Variants in ZNRF3 observed in about 807,000 individuals in gnomAD.
The protein encoded by ZNRF3 is E3 ubiquitin-protein ligase ZNRF3.
ZNRF3 carries 23 observed loss-of-function variants against 72.5 expected under a neutral mutation model. The ratio of observed to expected loss-of-function variants is 0.32; its 90% CI spans 0.23 to 0.45. The LOEUF (loss-of-function observed/expected upper bound fraction) is 0.45. Among genes scored for constraint, ZNRF3 ranks in the 20% least tolerant of loss-of-function variants. The pLI, the probability that ZNRF3 is intolerant of heterozygous loss-of-function variation, is 1.00. For missense variants in ZNRF3, 1,169 were observed against 1,272.1 expected (o/e 0.92, Z 1.23); for synonymous variants, 610 against 545.3 (o/e 1.12, Z -1.65).
At chr22:28,886,109 CTT>C (rs921721652) in intron 1 of ZNRF3, among the ~76,000 whole-genome samples, 18 of 152,260 alleles carry the variant, frequency 1.2e-4, no homozygotes, top group Admixed American at 2.6e-4. Flanking sequence ...TCTTTAGTAA[CTT>C]TATTGTGGTA....
intron 1 of ZNRF3, among the ~76,000 whole-genome samples, chr22:28,912,433 C>T (rs912250504): frequency 6.6e-6 from 1 of 152,048 alleles, no homozygotes; most frequent in African/African-American, 2.4e-5. Context: ...TATCTTTTAG[C>T]TATGCTGGAT....
Position 28,991,175 on chromosome 22 carries a change from G to A in ZNRF3, c.426+3974G>A, listed in dbSNP as rs11912160. On this transcript the variant is annotated intron_variant, in intron 2 of 8. Coordinates refer to ENST00000544604, the MANE Select transcript of ZNRF3 (RefSeq NM_001206998.2). ...TGCATGCCTGTGGTTTCAGCTACTC[G>A]GGAGGCTGAGGTGGGAGGATTGCTT... 1.1e-3 allele frequency among the ~76,000 whole-genome samples: 165 copies of A among 149,072 alleles called. 2 individuals carry two copies. Among genetic ancestry groups the A allele is most frequent in the African/African-American group, 3.8e-3 (155 of 40,580 alleles).
chr22:29,055,086 C>G lies in ZNRF3; in HGVS notation c.*1464C>G, dbSNP rs181187217. 35 of 152,754 alleles carry G rather than the reference C, an allele frequency of 2.3e-4. No individual in the cohort carries two copies. Among genetic ancestry groups the G allele is most frequent in the African/African-American group, 8.2e-4 (34 of 41,522 alleles). The allele number at this position is 152,754 out of a possible 1,614,324, so 9.5% of individuals were successfully genotyped here. A position where few individuals can be genotyped will look rare whatever the true frequency, so the allele number is the denominator to read the frequency against. Reference sequence around the variant, plus strand: ...GAAGGGGAGAGTTTAAAAACCCAAACCGTTGTGGTTTTAAGGTGTTTCATT... The same window carrying G: ...GAAGGGGAGAGTTTAAAAACCCAAAGCGTTGTGGTTTTAAGGTGTTTCATT... On this transcript the variant is annotated 3_prime_UTR_variant, in exon 9 of 9. Coordinates refer to ENST00000544604, the MANE Select transcript of ZNRF3 (RefSeq NM_001206998.2).
intron 1 of ZNRF3, among the ~76,000 whole-genome samples, chr22:28,981,632 A>G (rs1363471182): frequency 6.6e-6 from 1 of 152,208 alleles, no homozygotes; most frequent in Non-Finnish European, 1.5e-5. Context: ...CAAAGATTGA[A>G]TCTCTTGTGG....
intron 2 of ZNRF3, among the ~76,000 whole-genome samples, chr22:29,033,350 C>CAA (rs60310622): frequency 0.017 from 1,097 of 65,744 alleles, 28 homozygotes; most frequent in East Asian, 0.058. Context: ...GACTCCATCT[C>CAA]AAAAAAAAAA....
At chr22:29,028,451 G>A (rs2036685486) in intron 2 of ZNRF3, among the ~76,000 whole-genome samples, 2 of 152,128 alleles carry the variant, frequency 1.3e-5, no homozygotes, top group South Asian at 4.1e-4. Context: ...AGAGCTATCT[G>A]GAATTTCCTT....
chr22:28,895,505 A>C (rs2033975048), intron 1 of ZNRF3, among the ~76,000 whole-genome samples: 1 of 152,146 alleles, frequency 6.6e-6, no homozygotes, highest in South Asian at 2.1e-4. Flanking sequence ...GTCTCTACTA[A>C]AAATACAAAA....
intron 1 of ZNRF3, among the ~76,000 whole-genome samples, chr22:28,901,859 G>A (rs1384185130): frequency 1.3e-5 from 2 of 151,278 alleles, no homozygotes; most frequent in African/African-American, 4.9e-5. Flanking sequence ...CCAGGCTAGT[G>A]GCTAGGCGTT....
rs113537550 is a variant in ZNRF3 at position 28,959,841 on chromosome 22, A to G, written c.301-27235A>G. ...TTCTCCCCTTGTATGCACAAAGAAC[A>G]GGTCATGTGAGCATGCAGGGAAATG... On this transcript the variant is annotated intron_variant, in intron 1 of 8. Coordinates refer to ENST00000544604, the MANE Select transcript of ZNRF3 (RefSeq NM_001206998.2). Among the ~76,000 whole-genome samples, 37 of 152,338 alleles carry G rather than the reference A, an allele frequency of 2.4e-4. 1 individual carries two copies. Among genetic ancestry groups the G allele is most frequent in the Admixed American group, 1.2e-3 (18 of 15,304 alleles).
intron 1 of ZNRF3, among the ~76,000 whole-genome samples, chr22:28,946,331 T>C (rs1160837980): frequency 1.3e-5 from 2 of 151,954 alleles, no homozygotes; most frequent in Non-Finnish European, 2.9e-5. Flanking sequence ...TGTGGGTTTG[T>C]GCTTTTTAAA....
chr22:29,011,585 A>G (rs1008475485), intron 2 of ZNRF3, among the ~76,000 whole-genome samples: 1 of 152,254 alleles, frequency 6.6e-6, no homozygotes, highest in Admixed American at 6.5e-5. Context: ...CTGTGCTTTT[A>G]TCTTTAGGTT....
chr22:28,929,301 G>A (rs765774496), intron 1 of ZNRF3, among the ~76,000 whole-genome samples: 16 of 152,192 alleles, frequency 1.1e-4, no homozygotes, highest in Admixed American at 2.6e-4. Flanking sequence ...TATTGTAGAC[G>A]TGGTTTCTCC....
chr22:28,989,126 A>G (rs1026475106), intron 2 of ZNRF3, among the ~76,000 whole-genome samples: 2 of 152,214 alleles, frequency 1.3e-5, no homozygotes, highest in Non-Finnish European at 1.5e-5. Context: ...GCAGGGGCCC[A>G]GAAGCTGAGC....
rs1482097955 is a variant in ZNRF3, at chr22:28,883,781, G to T, written c.15G>T (p.Ser5=). MRPR[S]GGRPGATGRR... is the part of the protein sequence containing the mutation. ...GCCGCAGGACCATGAGGCCGCGCTCGGGCGGGCGCCCAGGGGCCACGGGCC... is the reference window on the plus strand; with the variant it reads ...GCCGCAGGACCATGAGGCCGCGCTCTGGCGGGCGCCCAGGGGCCACGGGCC... Residue 5 remains serine, a synonymous_variant, in exon 1 of 9, where the codon TCG becomes TCT. Transcript: ENST00000544604. The surrounding 1 kb of genome is among the most constrained non-coding windows in gnomAD (Gnocchi z 5.5). 6.9e-5 allele frequency: 68 copies of T among 978,802 alleles called. No individual in the cohort carries two copies. The highest frequency in any genetic ancestry group is 7.9e-5 in the Non-Finnish European group (65 of 827,522). The allele number at this position is 978,802 out of a possible 1,614,324, so 60.6% of individuals were successfully genotyped here.
chr22:29,047,890 G>A (rs1046695759), intron 6 of ZNRF3, among the ~76,000 whole-genome samples: 4 of 152,192 alleles, frequency 2.6e-5, no homozygotes, highest in Admixed American at 1.3e-4. Context: ...CAGTAAAGGA[G>A]GGGATAGCAG....
intron 1 of ZNRF3, among the ~76,000 whole-genome samples, chr22:28,953,443 G>A (rs2035202196): frequency 6.6e-6 from 1 of 152,142 alleles, no homozygotes; most frequent in Admixed American, 6.5e-5. Flanking sequence ...CTTTAAAATC[G>A]CCTGGAGGCC....
intron 1 of ZNRF3, among the ~76,000 whole-genome samples, chr22:28,976,673 A>G (rs1287454141): frequency 6.6e-6 from 1 of 152,210 alleles, no homozygotes; most frequent in Non-Finnish European, 1.5e-5. Flanking sequence ...CATAATAAGA[A>G]CGATCAAATG....
At chr22:28,924,441 G>C (rs1486028116) in intron 1 of ZNRF3, among the ~76,000 whole-genome samples, 1 of 152,178 alleles carries the variant, frequency 6.6e-6, no homozygotes, top group African/African-American at 2.4e-5. Flanking sequence ...AGCCAGCTAG[G>C]AATTCAGATC....
rs2033709586 is a variant in ZNRF3 at position 28,883,730 on chromosome 22, G to C, written c.-37G>C. ...CTCAGCCGGCCCGCGACTATGCCCGGCCGCGCCCGCCCTCCGCGCCCTCCC... is the reference window on the plus strand; with the variant it reads ...CTCAGCCGGCCCGCGACTATGCCCGCCCGCGCCCGCCCTCCGCGCCCTCCC... On this transcript the variant is annotated 5_prime_UTR_variant, in exon 1 of 9. Transcript: ENST00000544604. The surrounding 1 kb of genome is among the most constrained non-coding windows in gnomAD (Gnocchi z 5.5). 1 of 982,286 alleles carries C rather than the reference G, an allele frequency of 1.0e-6. No homozygotes were observed. Among genetic ancestry groups the C allele is most frequent in the Non-Finnish European group, 1.2e-6 (1 of 828,324 alleles). 60.8% of individuals were successfully genotyped at this position (982,286 alleles called of 1,614,324 possible).
Sources: allele counts gnomAD v4.1 joint callset (sites outside exome capture counted in the v4.1 genomes callset), GRCh38; gene constraint gnomAD v4.1.1; non-coding constraint Gnocchi (gnomAD v3.1); transcripts MANE v1.5; gene names NCBI Gene and HGNC (gene_info 2026-07-23, HGNC 2026-07-21).